The following TMEM272 variants were observed in gnomAD, a reference collection of about 807,000 sequenced individuals.
TMEM272 encodes the protein transmembrane protein 272.
TMEM272 carries 8 observed loss-of-function variants against 3.7 expected under a neutral mutation model. The observed-to-expected ratio is 2.17, with a 90% CI of 1.27 to 3.91. TMEM272 has a LOEUF of 3.91. TMEM272 is among the 30% of genes most tolerant of loss of function. The pLI, the probability that TMEM272 is intolerant of heterozygous loss-of-function variation, is 0.00. For missense variants in TMEM272, 166 were observed against 91.5 expected (o/e 1.81, Z -3.32); for synonymous variants, 63 against 39.8 (o/e 1.58, Z -2.20).
At chr13:51,849,602 A>G (rs4943031), upstream of TMEM272, among the ~76,000 whole-genome samples, 148,664 of 152,336 alleles carry the variant, frequency 0.98, 72,560 homozygotes, top group East Asian at 1. Flanking sequence ...AACATGCTCC[A>G]GAAAATCCCG....
chr13:51,933,050 T>C, the TMEM272 span: 1 of 152,234 alleles, frequency 6.6e-6, no homozygotes, highest in Non-Finnish European at 1.5e-5. Context: ...AAAAACTATA[T>C]GTAAAAAGTG....
rs559531133 is a variant in TMEM272 at position 51,823,338 on chromosome 13, C to T, written c.119-1201G>A. ...AAGTGATCCTCCTGCCTGGGCCTCC[C>T]AAAGCGTGGGATTACAGGCCTGAGC... On this transcript the variant is annotated intron_variant, in intron 3 of 4. Coordinates refer to ENST00000629372, the MANE Select transcript of TMEM272 (RefSeq NM_001351003.2). Among the ~76,000 whole-genome samples the T allele has an allele frequency of 8.5e-5, 13 of 152,352 alleles. No individual in the cohort carries two copies. In the South Asian group the frequency reaches 2.7e-3, roughly 32 times the overall value.
chr13:51,865,715 T>C, the TMEM272 span: 2 of 1,614,082 alleles, frequency 1.2e-6, no homozygotes, highest in Non-Finnish European at 1.7e-6. Context: ...AATGGAAAAG[T>C]CTTTCAGGGA....
At chr13:51,907,584 G>A in the TMEM272 span, among the ~76,000 whole-genome samples, 1 of 152,128 alleles carries the variant, frequency 6.6e-6, no homozygotes, top group African/African-American at 2.4e-5. Flanking sequence ...CCTTAACCCT[G>A]CTCACCTTGC....
At chr13:51,853,822 T>C in the TMEM272 span, among the ~76,000 whole-genome samples, 5 of 152,314 alleles carry the variant, frequency 3.3e-5, no homozygotes, top group South Asian at 1.0e-3. Context: ...GTCATAAGGA[T>C]AGGAAATATA....
intron 2 of TMEM272, among the ~76,000 whole-genome samples, chr13:51,837,887 T>C (rs985080424): frequency 6.6e-6 from 1 of 152,226 alleles, no homozygotes; most frequent in African/African-American, 2.4e-5. Context: ...CTTCCCACAA[T>C]GTTCCCTTTA....
At chr13:51,822,332 A>G (rs1593591038) in intron 3 of TMEM272, among the ~76,000 whole-genome samples, 195 bp from the exon 4 acceptor site, 1 of 152,278 alleles carries the variant, frequency 6.6e-6, no homozygotes, top group East Asian at 1.9e-4. Flanking sequence ...AATGGCTCTC[A>G]CAGCGGAGTG....
In TMEM272 at chr13:51,816,953, A is replaced by G. The variant is rs994981318; in HGVS notation, c.362T>C (p.Leu121Pro). The change falls in exon 5 of 5, where the codon CTG becomes CCG. Residue 121 changes from leucine to proline, a missense_variant. Physicochemically the swap from Leu to Pro is moderately conservative, Grantham distance 98. Coordinates refer to ENST00000629372, the MANE Select transcript of TMEM272 (RefSeq NM_001351003.2). Reference sequence around the variant, plus strand: ...CACAGAAAAGACCCAGTAGTTTCCCAGGATGAACCAGAGGAAGAGGAAGAG... The same window carrying G: ...CACAGAAAAGACCCAGTAGTTTCCCGGGATGAACCAGAGGAAGAGGAAGAG... Reference protein sequence around the residue: ...LSLFLFLWFILGNYWVFSVYL... With the variant: ...LSLFLFLWFIPGNYWVFSVYL... 2.3e-5 allele frequency: 16 copies of G among 702,990 alleles called. No homozygotes were observed. The highest frequency in any genetic ancestry group is 3.9e-5 in the Non-Finnish European group (15 of 385,024). 43.5% of individuals were successfully genotyped at this position (702,990 alleles called of 1,614,324 possible).
chr13:51,852,406 G>A, the TMEM272 span, among the ~76,000 whole-genome samples: 4 of 152,264 alleles, frequency 2.6e-5, no homozygotes, highest in East Asian at 1.9e-4. Flanking sequence ...CAGTGAACAT[G>A]ACAAAGTCTC....
At chr13:51,930,008 A>C in the TMEM272 span, among the ~76,000 whole-genome samples, 1 of 152,288 alleles carries the variant, frequency 6.6e-6, no homozygotes, top group African/African-American at 2.4e-5. Flanking sequence ...GTCGGTCAAC[A>C]AGGAGCAGGA....
At chr13:51,898,166 A>G in the TMEM272 span, among the ~76,000 whole-genome samples, 1 of 151,998 alleles carries the variant, frequency 6.6e-6, no homozygotes, top group African/African-American at 2.4e-5. Flanking sequence ...TGCAGTAAGC[A>G]GAGACTGTGG....
At chr13:51,895,939 A>G in the TMEM272 span, among the ~76,000 whole-genome samples, 1 of 152,158 alleles carries the variant, frequency 6.6e-6, no homozygotes, top group African/African-American at 2.4e-5. Flanking sequence ...AATTTCCCAC[A>G]TAGCAACCAA....
chr13:51,846,580 A>T (rs529545802), upstream of TMEM272, among the ~76,000 whole-genome samples: 6 of 152,312 alleles, frequency 3.9e-5, no homozygotes, highest in East Asian at 1.9e-4. Context: ...TATATATATT[A>T]AAAAAAGGTT....
At chr13:51,884,367 C>T in the TMEM272 span, among the ~76,000 whole-genome samples, 1 of 152,232 alleles carries the variant, frequency 6.6e-6, no homozygotes, top group Admixed American at 6.5e-5. Flanking sequence ...CTCCTATTCA[C>T]TGTGACTTTA....
At chr13:51,921,043 G>A in the TMEM272 span, among the ~76,000 whole-genome samples, 1 of 152,220 alleles carries the variant, frequency 6.6e-6, no homozygotes. Flanking sequence ...CGCCTGGTGG[G>A]AGAGGAGCTA....
At chr13:51,851,502 C>T in the TMEM272 span, among the ~76,000 whole-genome samples, 9 of 145,166 alleles carry the variant, frequency 6.2e-5, no homozygotes, top group East Asian at 2.0e-4. Flanking sequence ...CAAATCAGCA[C>T]GAAAAGACCT....
chr13:51,882,422 T>C, the TMEM272 span, among the ~76,000 whole-genome samples: 2 of 152,244 alleles, frequency 1.3e-5, no homozygotes, highest in African/African-American at 4.8e-5. Flanking sequence ...CCCAAATAAT[T>C]TTCCTTAACC....
chr13:51,826,734 T>C, intron 2 of TMEM272, 109 bp from the exon 3 acceptor site: 1 of 677,454 alleles, frequency 1.5e-6, no homozygotes, highest in Non-Finnish European at 2.7e-6. Flanking sequence ...TTCTCTCCAG[T>C]GGCAAGTCAG....
rs1956061487 is a variant in TMEM272 at position 51,819,542 on chromosome 13, T to C, written c.202-2429A>G. ...AAGAGCCGTGGCAAGTGGGTCCCAC[T>C]GCCCAGGCTTCCTGGAGCCACCTGG... On this transcript the variant is annotated intron_variant, in intron 4 of 4. Coordinates refer to ENST00000629372, the MANE Select transcript of TMEM272 (RefSeq NM_001351003.2). 5.3e-5 allele frequency among the ~76,000 whole-genome samples: 8 copies of C among 152,196 alleles called. No homozygotes were observed. In the South Asian group the frequency reaches 1.7e-3, roughly 31 times the overall value.
Sources: allele counts gnomAD v4.1 joint callset (sites outside exome capture counted in the v4.1 genomes callset), GRCh38; gene constraint gnomAD v4.1.1; transcripts MANE v1.5; gene names NCBI Gene and HGNC (gene_info 2026-07-23, HGNC 2026-07-21).